The following CFAP43 variants were observed in gnomAD, a reference collection of about 807,000 sequenced individuals.
CFAP43 encodes cilia- and flagella-associated protein 43.
Under a neutral mutation model 218.9 loss-of-function variants are expected in CFAP43, and 155 were observed. The observed-to-expected ratio is 0.71, with a 90% CI of 0.62 to 0.81. CFAP43 has a LOEUF of 0.81. CFAP43 is among the 30% of genes least tolerant of loss of function. The probability of loss-of-function intolerance (pLI) is 0.00; values close to 1 mark genes in which losing one functional copy is unlikely to be tolerated. For synonymous variants in CFAP43, 645 were observed against 681.3 expected, an observed-to-expected ratio of 0.95 and a Z score of 0.83; for missense variants, 1,778 against 1,954.3, an observed-to-expected ratio of 0.91 and a Z score of 1.70.
Position 104,164,144 on chromosome 10 carries a change from A to G in CFAP43, c.3196T>C (p.Phe1066Leu). The G allele has an allele frequency of 6.2e-7, 1 of 1,614,206 alleles. No individual in the cohort carries two copies. Residue 1066 changes from phenylalanine (F) to leucine (L), a missense_variant, in exon 24 of 38, where the codon TTT (phenylalanine) becomes CTT (leucine). Transcript: ENST00000357060. ...ELEEAVWQPE[F>L]EDCEKPERTL... ...CTCTCTGGCTTCTCACAGTCTTCAA[A>G]TTCTGGTTGCCAGACTGCTTCTTCC... is the stretch of plus-strand genomic sequence containing the variant.
rs147493455 is a variant in CFAP43, at chr10:104,133,631, C to T, written c.4585G>A (p.Asp1529Asn). Residue 1529 changes from aspartate to asparagine, a missense_variant, in exon 35 of 38, where the codon GAT becomes AAT. Around this residue, in one of 3 missense-constraint regions of CFAP43, gnomAD observed 211 missense variants for 230.6 expected, o/e 0.91. Transcript: ENST00000357060. The part of the protein sequence containing the change: ...WDIQMLFFSR[D>N]RQKYLNEPNY... The stretch of plus-strand genomic sequence containing the variant: ...TAGGGAGAATTTACCTTTTGACGAT[C>T]TCTTGAAAAAAATAGCATCTGAATA... 171 of 1,610,778 alleles carry T rather than the reference C, an allele frequency of 1.1e-4. No homozygotes were observed. The African/African-American group carries it at 2.1e-3, about 20-fold the overall frequency.
chr10:104,188,109 C>T (rs764340785), intron 13 of CFAP43, among the ~76,000 whole-genome samples, 161 bp downstream of exon 13: 4 of 152,224 alleles, frequency 2.6e-5, no homozygotes, highest in Non-Finnish European at 5.9e-5. Flanking sequence ...AAAGTCCACA[C>T]TTCAAACTGT....
chr10:104,182,730 G>A (rs2089894831), intron 16 of CFAP43, among the ~76,000 whole-genome samples: 2 of 151,614 alleles, frequency 1.3e-5, no homozygotes, highest in South Asian at 4.2e-4. Context: ...ATTTTTTAAA[G>A]AGAAAGGGTC....
chr10:104,203,492 A>G (rs1283024168), intron 8 of CFAP43, 180 bp downstream of exon 8: 15 of 510,848 alleles, frequency 2.9e-5, no homozygotes, highest in East Asian at 3.4e-5. Flanking sequence ...ATGCACAAAA[A>G]TAAACCAATA....
intron 3 of CFAP43, among the ~76,000 whole-genome samples, chr10:104,217,658 C>A (rs1293178479): frequency 5.9e-5 from 9 of 152,320 alleles, no homozygotes; most frequent in South Asian, 2.1e-4. Flanking sequence ...ACATTTCCAG[C>A]ACTCCCAGGT....
At chr10:104,137,807 C>T (rs2087522507) in intron 34 of CFAP43, among the ~76,000 whole-genome samples, 5 of 152,120 alleles carry the variant, frequency 3.3e-5, no homozygotes, top group Middle Eastern at 3.4e-3. Flanking sequence ...TCTCAAAAAA[C>T]AAAAAACAAA....
At chr10:104,153,343 T>C (rs182199022) in intron 27 of CFAP43, among the ~76,000 whole-genome samples, 1 of 152,334 alleles carries the variant, frequency 6.6e-6, no homozygotes, top group African/African-American at 2.4e-5. Context: ...AAATTTTCAT[T>C]GCACAACAGG....
intron 27 of CFAP43, among the ~76,000 whole-genome samples, chr10:104,156,676 A>T (rs1216194561): frequency 1.3e-5 from 2 of 152,206 alleles, no homozygotes; most frequent in Non-Finnish European, 2.9e-5. Flanking sequence ...ACAGTCAAAC[A>T]GGGTGGCTCG....
intron 28 of CFAP43, 103 bp downstream of exon 28, chr10:104,152,504 T>C: frequency 6.6e-7 from 1 of 1,514,942 alleles, no homozygotes. Context: ...GCCCAGAGCA[T>C]ACAAGATCTT....
chr10:104,225,617 T>C (rs1189302727), intron 2 of CFAP43, 60 bp from the exon 3 acceptor site: 6 of 1,371,804 alleles, frequency 4.4e-6, no homozygotes, highest in African/African-American at 3.0e-5. Context: ...CAGTTAACTA[T>C]GGTCTTACAG....
At chr10:104,186,426 A>G (rs1425103348) in intron 14 of CFAP43, among the ~76,000 whole-genome samples, 2 of 152,168 alleles carry the variant, frequency 1.3e-5, no homozygotes, top group African/African-American at 2.4e-5. Flanking sequence ...TCATTTTCAC[A>G]TATCTTCATG....
chr10:104,141,031 G>C (rs1339075412), intron 33 of CFAP43, 30 bp from the exon 34 acceptor site: 5 of 1,577,516 alleles, frequency 3.2e-6, no homozygotes, highest in Non-Finnish European at 3.4e-6. Context: ...AAAGCAAGTA[G>C]TTGTAATATA....
chr10:104,153,704 A>G (rs935254864), intron 27 of CFAP43, among the ~76,000 whole-genome samples: 2 of 152,170 alleles, frequency 1.3e-5, no homozygotes, highest in African/African-American at 4.8e-5. Context: ...AAGAATTTCC[A>G]TATACCTTTT....
chr10:104,142,080 C>G (rs116115676), intron 33 of CFAP43, among the ~76,000 whole-genome samples: 2 of 152,098 alleles, frequency 1.3e-5, no homozygotes, highest in Non-Finnish European at 2.9e-5. Flanking sequence ...GTAATAAGAG[C>G]AACAAAACGT....
At position 104,131,451 on chromosome 10, in the gene CFAP43, G is replaced by A. The variant is rs367775668; in HGVS notation, c.4711C>T (p.Leu1571=). 88 of 1,612,366 alleles carry A rather than the reference G, an allele frequency of 5.5e-5. No individual in the cohort carries two copies. The Middle Eastern group carries it at 1.3e-3, about 24-fold the overall frequency. The part of the protein sequence containing the change: ...HKKNVENCKK[L]LKKLGKFSNQ... ...CTGAACTTTCCAAGTTTTTTGAGTA[G>A]TTTCTTGCAGTTTTCCACATTCTTT... Residue 1571 remains leucine, a synonymous_variant, in exon 37 of 38, where the codon CTA becomes TTA. Coordinates refer to ENST00000357060, the MANE Select transcript of CFAP43 (RefSeq NM_025145.7).
chr10:104,232,241 C>G lies in CFAP43; in HGVS notation c.6G>C (p.Ala2=). ...GGCCTTCGTCGCGCTCCCGGCCTTG[C>G]GCCATGGGCAGTGTTTTCCTCAGGC... is the stretch of plus-strand genomic sequence containing the variant. M[A]QGRERDEGPH... Residue 2 remains alanine, a synonymous_variant, in exon 1 of 38, where the codon GCG becomes GCC. Transcript: ENST00000357060. The G allele has an allele frequency of 1.2e-6, 2 of 1,605,102 alleles. No individual in the cohort carries two copies. Among genetic ancestry groups the G allele is most frequent in the Admixed American group, 1.7e-5 (1 of 59,148 alleles).
intron 3 of CFAP43, among the ~76,000 whole-genome samples, chr10:104,224,754 C>CAA (rs66877503): frequency 0.17 from 11,730 of 69,360 alleles, 960 homozygotes; most frequent in Non-Finnish European, 0.22. Context: ...GACTCCATCT[C>CAA]AAAAAAAAAA....
intron 27 of CFAP43, among the ~76,000 whole-genome samples, chr10:104,160,239 G>T (rs2088801355): frequency 6.6e-6 from 1 of 152,142 alleles, no homozygotes; most frequent in Admixed American, 6.5e-5. Flanking sequence ...ATAACTCTTT[G>T]AAATCTTTAC....
At chr10:104,161,232 GT>G (rs36092125) in intron 26 of CFAP43, 70 bp from the exon 27 acceptor site, 18 of 1,497,602 alleles carry the variant, frequency 1.2e-5, no homozygotes, top group Admixed American at 6.5e-5. Context: ...AAAGCTCAGA[GT>G]TTTTTTTAAA....
Sources: gnomAD v4.1 joint callset for allele counts (sites outside exome capture counted in the v4.1 genomes callset) on GRCh38, gnomAD v4.1.1 for gene constraint, gnomAD v4.1.1 regional missense constraint, MANE v1.5 for transcripts, NCBI Gene and HGNC (gene_info 2026-07-23, HGNC 2026-07-21) for gene names.